PLA2G7: variants seen among roughly 807,000 people sequenced by gnomAD.
PLA2G7 encodes the protein phospholipase A2 group VII.
In PLA2G7, 63 loss-of-function variants were observed where a neutral mutation model predicts 49.6. The ratio of observed to expected loss-of-function variants is 1.27; its 90% CI spans 1.04 to 1.57. PLA2G7 has a LOEUF of 1.57. Among genes scored for constraint, PLA2G7 ranks in the 40% most tolerant of loss-of-function variants. PLA2G7 has a pLI of 0.00. For synonymous variants in PLA2G7, 193 were observed against 169.9 expected (o/e 1.14, Z -1.06); for missense variants, 596 against 521.2 (o/e 1.14, Z -1.40).
chr6:46,712,453 G>T, intron 5 of PLA2G7, 116 bp from the exon 6 acceptor site: 1 of 742,552 alleles, frequency 1.3e-6, no homozygotes, highest in Non-Finnish European at 2.4e-6. Context: ...GCCCTGGGGT[G>T]GAGTGGAGAG....
At chr6:46,721,716 A>G (rs1291274877) in intron 2 of PLA2G7, among the ~76,000 whole-genome samples, 2 of 151,616 alleles carry the variant, frequency 1.3e-5, no homozygotes, top group Non-Finnish European at 2.9e-5. Flanking sequence ...CTGATGCGTT[A>G]TAGGATGAAT....
chr6:46,707,577 C>T (rs45558634), intron 10 of PLA2G7, among the ~76,000 whole-genome samples: 144 of 152,252 alleles, frequency 9.5e-4, no homozygotes, highest in African/African-American at 3.3e-3. Flanking sequence ...TCTCTTCCTC[C>T]GGCTCTGGCC....
intron 1 of PLA2G7, among the ~76,000 whole-genome samples, chr6:46,728,432 A>C (rs1765634867): frequency 6.6e-6 from 1 of 152,232 alleles, no homozygotes; most frequent in African/African-American, 2.4e-5. Context: ...GAGGTTGAGA[A>C]ACCCTGGTCT....
chr6:46,728,975 T>C (rs1030693438), intron 1 of PLA2G7, among the ~76,000 whole-genome samples: 1 of 152,222 alleles, frequency 6.6e-6, no homozygotes, highest in South Asian at 2.1e-4. Flanking sequence ...TGCTTTTCTC[T>C]CCTCATCTGT....
chr6:46,716,990 A>C lies in PLA2G7; in HGVS notation c.216T>G (p.Phe72Leu). 1 of 1,613,766 alleles carries C rather than the reference A, an allele frequency of 6.2e-7. No individual in the cohort carries two copies. The change falls in exon 3 of 12, where the codon TTT (phenylalanine) becomes TTG (leucine). Residue 72 changes from phenylalanine to leucine, a missense_variant. Transcript: ENST00000274793. ...PYSVGCTDLM[F>L]DHTNKGTFLR... is the part of the protein sequence containing the mutation. ...AAAGCATTACCTTATTAGTGTGATC[A>C]AACATTAAGTCTGTACAACCAACGG...
chr6:46,716,325 T>A, intron 4 of PLA2G7, 59 bp downstream of exon 4: 16 of 1,569,884 alleles, frequency 1.0e-5, no homozygotes, highest in East Asian at 2.2e-5. Context: ...AAGTTCTTGT[T>A]GTTTTCAAGG....
chr6:46,716,213 C>T (rs914912211), intron 4 of PLA2G7, among the ~76,000 whole-genome samples, 171 bp downstream of exon 4: 1 of 151,058 alleles, frequency 6.6e-6, no homozygotes, highest in African/African-American at 2.4e-5. Flanking sequence ...AAATGAGAAC[C>T]TTGATTCTGT....
chr6:46,714,716 A>C (rs1765142504), intron 4 of PLA2G7, among the ~76,000 whole-genome samples, 163 bp from the exon 5 acceptor site: 1 of 146,626 alleles, frequency 6.8e-6, no homozygotes, highest in Admixed American at 6.9e-5. Context: ...ATACCCACCA[A>C]CCAAAGAGCT....
intron 10 of PLA2G7, among the ~76,000 whole-genome samples, chr6:46,706,490 G>C (rs958765218): frequency 3.3e-5 from 5 of 152,222 alleles, no homozygotes; most frequent in Admixed American, 6.5e-5. Flanking sequence ...TAGTAGCCAA[G>C]GGAGCAGGAA....
At position 46,712,352 on chromosome 6, in the gene PLA2G7, G is replaced by A. The variant is rs753395861; in HGVS notation, c.471-15C>T. ...AATAAAGTGTCCTTCAAAACAAAAAGAGGGAAGAATTACAACTACCAGTCA... is the reference window on the plus strand; with the variant it reads ...AATAAAGTGTCCTTCAAAACAAAAAAAGGGAAGAATTACAACTACCAGTCA... On this transcript the variant is annotated splice_polypyrimidine_tract_variant and intron_variant, in intron 5 of 11. Transcript: ENST00000274793. 1.9e-6 allele frequency: 3 copies of A among 1,597,170 alleles called. No homozygotes were observed. The East Asian group carries it at 6.7e-5, about 36-fold the overall frequency.
intron 1 of PLA2G7, among the ~76,000 whole-genome samples, chr6:46,734,351 G>C (rs1765825869): frequency 6.6e-6 from 1 of 151,256 alleles, no homozygotes; most frequent in African/African-American, 2.4e-5. Context: ...GTGTGTGAGA[G>C]AGAGAGCGGA....
At chr6:46,718,320 G>A (rs560121777) in intron 2 of PLA2G7, among the ~76,000 whole-genome samples, 8 of 152,074 alleles carry the variant, frequency 5.3e-5, no homozygotes, top group African/African-American at 1.7e-4. Flanking sequence ...AAGGCAGTTT[G>A]TAGGAGGAAT....
chr6:46,710,756 C>A, intron 7 of PLA2G7, 98 bp from the exon 8 acceptor site: 1 of 889,110 alleles, frequency 1.1e-6, no homozygotes, highest in East Asian at 2.5e-5. Context: ...AATCGTTGGT[C>A]AGTTATAAAC....
chr6:46,714,577 G>C (rs1765138315), intron 4 of PLA2G7, 24 bp from the exon 5 acceptor site: 1 of 1,383,590 alleles, frequency 7.2e-7, no homozygotes, highest in Non-Finnish European at 1.0e-6. Context: ...GAAGGTTATA[G>C]TTAAGGTTTT....
chr6:46,716,625 C>G lies in PLA2G7; in HGVS notation c.232-97G>C, dbSNP rs1368350006. ...ATTTAATTAGTGGGGACTCAAATAC[C>G]TCTGTGTTCACAAAAAGGTCTAAAG... On this transcript the variant is annotated intron_variant, in intron 3 of 11. Coordinates refer to ENST00000274793, the MANE Select transcript of PLA2G7 (RefSeq NM_005084.4). 5.6e-6 allele frequency: 7 copies of G among 1,250,792 alleles called. No homozygotes were observed. The East Asian group carries it at 1.7e-4, about 30-fold the overall frequency. 77.5% of individuals were successfully genotyped at this position (1,250,792 alleles called of 1,614,324 possible).
intron 8 of PLA2G7, 83 bp downstream of exon 8, chr6:46,710,462 A>T (rs191849558): frequency 1.1e-6 from 1 of 881,050 alleles, no homozygotes; most frequent in East Asian, 2.5e-5. Context: ...ATCATATTGT[A>T]CCTTGCAATA....
At chr6:46,721,329 C>T (rs898412496) in intron 2 of PLA2G7, among the ~76,000 whole-genome samples, 2 of 151,932 alleles carry the variant, frequency 1.3e-5, no homozygotes, top group African/African-American at 4.8e-5. Context: ...ATTACAGGCA[C>T]GAGCCACCAT....
At chr6:46,705,366 G>T in intron 10 of PLA2G7, 65 bp from the exon 11 acceptor site, 1 of 1,325,502 alleles carries the variant, frequency 7.5e-7, no homozygotes, top group Non-Finnish European at 1.1e-6. Flanking sequence ...TTTAGTTAGA[G>T]TGTAAGAAAG....
chr6:46,721,575 A>G (rs1311479086), intron 2 of PLA2G7, among the ~76,000 whole-genome samples: 4 of 151,136 alleles, frequency 2.6e-5, no homozygotes, highest in African/African-American at 9.7e-5. Flanking sequence ...CATCTAAGAT[A>G]TTACCTGTTC....
Sources: allele counts gnomAD v4.1 joint callset (sites outside exome capture counted in the v4.1 genomes callset), GRCh38; gene constraint gnomAD v4.1.1; transcripts MANE v1.5; gene names NCBI Gene and HGNC (gene_info 2026-07-23, HGNC 2026-07-21).